ZNF365: variants seen among roughly 807,000 people sequenced by gnomAD.
ZNF365 encodes the protein zinc finger protein 365.
A neutral mutation model predicts 35.0 loss-of-function variants in ZNF365; 22 were observed. The ratio of observed to expected loss-of-function variants is 0.63; its 90% CI spans 0.45 to 0.90. The LOEUF (loss-of-function observed/expected upper bound fraction) is 0.90. Ranked by LOEUF, ZNF365 falls within the 40% of genes least tolerant of loss-of-function variation. ZNF365 has a pLI of 0.00. For missense variants in ZNF365, 448 were observed against 500.3 expected (o/e 0.90, Z 1.00); for synonymous variants, 188 against 196.2 (o/e 0.96, Z 0.35).
At chr10:62,461,264 T>C (rs748738035) in intron 4 of ZNF365, among the ~76,000 whole-genome samples, 7 of 152,202 alleles carry the variant, frequency 4.6e-5, no homozygotes, top group Non-Finnish European at 1.0e-4. Flanking sequence ...CTATCACACG[T>C]GGGCCAAGAG....
At chr10:62,415,170 T>A (rs2132442732) in intron 3 of ZNF365, among the ~76,000 whole-genome samples, 2 of 152,308 alleles carry the variant, frequency 1.3e-5, no homozygotes, top group South Asian at 4.1e-4. Flanking sequence ...ATTGCATGTT[T>A]TTTTTCCCTC....
chr10:62,421,691 C>G (rs188623273), intron 3 of ZNF365, among the ~76,000 whole-genome samples: 5 of 152,260 alleles, frequency 3.3e-5, no homozygotes, highest in African/African-American at 9.6e-5. Context: ...AAATAGTAAA[C>G]AATAATTGAT....
At chr10:62,396,349 A>G (rs1057004414) in intron 3 of ZNF365, among the ~76,000 whole-genome samples, 2 of 152,198 alleles carry the variant, frequency 1.3e-5, no homozygotes, top group African/African-American at 4.8e-5. Flanking sequence ...CTGGTAAAGC[A>G]CCGAGGCTTC....
chr10:62,479,826 C>T, intron 4 of ZNF365: 1 of 1,306,174 alleles, frequency 7.7e-7, no homozygotes, highest in East Asian at 2.3e-5. Flanking sequence ...TTGCTGGCAC[C>T]TAGATACCAC....
At chr10:62,479,000 G>A (rs940022149) in intron 4 of ZNF365, among the ~76,000 whole-genome samples, 5 of 152,194 alleles carry the variant, frequency 3.3e-5, no homozygotes, top group African/African-American at 4.8e-5. Context: ...TTTCTATTCT[G>A]TTTTGAAATA....
At position 62,412,448 on chromosome 10, in the gene ZNF365, A is replaced by T. The variant is rs1004489323; in HGVS notation, c.924+23872A>T. Among the ~76,000 whole-genome samples the T allele has an allele frequency of 5.3e-5, 8 of 152,146 alleles. 1 individual carries two copies. Among genetic ancestry groups the T allele is most frequent in the African/African-American group, 1.9e-4 (8 of 41,404 alleles). ...GAAGTTCTGGCCAGGGCAATCAGGC[A>T]AGAGAAAGAAATAAAGGGTATTCAA... On this transcript the variant is annotated intron_variant, in intron 3 of 4. Transcript: ENST00000395255.
At chr10:62,431,075 G>A (rs1272106950) in intron 3 of ZNF365, among the ~76,000 whole-genome samples, 5 of 152,186 alleles carry the variant, frequency 3.3e-5, no homozygotes, top group Non-Finnish European at 4.4e-5. Context: ...AAAGTCAAAT[G>A]CTTCACCATC....
At chr10:62,415,500 A>G (rs12241782) in intron 3 of ZNF365, among the ~76,000 whole-genome samples, 97,109 of 151,860 alleles carry the variant, frequency 0.64, 31,586 homozygotes, top group East Asian at 0.84. Flanking sequence ...CTCTCTCTCT[A>G]GAAGAATCTA....
intron 3 of ZNF365, among the ~76,000 whole-genome samples, chr10:62,458,818 T>G (rs190047452): frequency 5.9e-5 from 9 of 152,326 alleles, no homozygotes; most frequent in Admixed American, 1.3e-4. Flanking sequence ...CAAGAAAAGA[T>G]ATGTTGATTC....
At chr10:62,398,032 G>A (rs895691307) in intron 3 of ZNF365, among the ~76,000 whole-genome samples, 3 of 152,052 alleles carry the variant, frequency 2.0e-5, no homozygotes, top group East Asian at 3.9e-4. Flanking sequence ...TCTTTTATCC[G>A]TCACCCCACT....
At position 62,399,876 on chromosome 10, in the gene ZNF365, C is replaced by A; in HGVS notation, c.*87C>A. ...ACAGTAATGTCTTTCTGGAAACATT[C>A]CATAGTAAGACACATTGGAAAAGCC... On this transcript the variant is annotated 3_prime_UTR_variant, in exon 5 of 5. Transcript: ENST00000395254. 1 of 1,481,362 alleles carries A rather than the reference C, an allele frequency of 6.8e-7. No individual in the cohort carries two copies. Among genetic ancestry groups the A allele is most frequent in the Non-Finnish European group, 9.0e-7 (1 of 1,114,760 alleles). 91.8% of individuals were successfully genotyped at this position (1,481,362 alleles called of 1,614,324 possible).
intron 3 of ZNF365, among the ~76,000 whole-genome samples, chr10:62,391,932 T>C (rs1186354289): frequency 6.6e-6 from 1 of 152,254 alleles, no homozygotes; most frequent in South Asian, 2.1e-4. Flanking sequence ...AACTTTTTCA[T>C]TATGGCCATT....
In ZNF365 at chr10:62,400,385, G is replaced by C. The variant is rs749539107; in HGVS notation, c.*596G>C. On this transcript the variant is annotated 3_prime_UTR_variant, in exon 5 of 5. Transcript: ENST00000395254. ...TCAGTCAGACTTCAGTTCTCATTCCGACAGGGTGTCTTTCAGTTCGTTTGT... is the reference window on the plus strand; with the variant it reads ...TCAGTCAGACTTCAGTTCTCATTCCCACAGGGTGTCTTTCAGTTCGTTTGT... The C allele has an allele frequency of 1.0e-6, 1 of 986,156 alleles. No individual in the cohort carries two copies. Among genetic ancestry groups the C allele is most frequent in the South Asian group, 4.7e-5 (1 of 21,296 alleles). 61.1% of individuals were successfully genotyped at this position (986,156 alleles called of 1,614,324 possible).
In ZNF365 at chr10:62,388,547, G is replaced by A. The variant is rs1839564156; in HGVS notation, c.895G>A (p.Gly299Ser). 6.2e-7 allele frequency: 1 copy of A among 1,614,074 alleles called. No individual in the cohort carries two copies. Among genetic ancestry groups the A allele is most frequent in the Non-Finnish European group, 8.5e-7 (1 of 1,180,028 alleles). ...LEYYQSQQAS[G>S]FVRDLSGHVL... is the part of the protein sequence containing the mutation. ...GTACTATCAGAGCCAGCAGGCCTCTGGCTTTGTCCGTGATCTCAGCGGGCA... is the reference window on the plus strand; with the variant it reads ...GTACTATCAGAGCCAGCAGGCCTCTAGCTTTGTCCGTGATCTCAGCGGGCA... Residue 299 changes from glycine (G) to serine (S), a missense_variant, in exon 3 of 5, where the codon GGC (glycine) becomes AGC (serine). Transcript: ENST00000395254.
At chr10:62,392,718 C>T (rs1411773767) in intron 3 of ZNF365, among the ~76,000 whole-genome samples, 2 of 152,128 alleles carry the variant, frequency 1.3e-5, no homozygotes, top group Non-Finnish European at 2.9e-5. Context: ...GCAACCTCCA[C>T]CTCTCGGGTT....
At chr10:62,451,266 C>T (rs1324695426) in intron 3 of ZNF365, among the ~76,000 whole-genome samples, 6 of 152,118 alleles carry the variant, frequency 3.9e-5, no homozygotes, top group Non-Finnish European at 8.8e-5. Context: ...GCTCCATTTT[C>T]CATCCTTCTT....
downstream of ZNF365, among the ~76,000 whole-genome samples, chr10:62,405,958 A>G (rs1839898252): frequency 6.6e-6 from 1 of 152,158 alleles, no homozygotes; most frequent in Admixed American, 6.5e-5. Context: ...ATTATAGCTA[A>G]CACTTCTCAT....
At chr10:62,456,751 C>G (rs1308329694) in intron 3 of ZNF365, among the ~76,000 whole-genome samples, 1 of 152,218 alleles carries the variant, frequency 6.6e-6, no homozygotes, top group Non-Finnish European at 1.5e-5. Flanking sequence ...AGATTCTAGA[C>G]TAGCAGGAAA....
At chr10:62,389,150 CCT>C (rs1839579213) in intron 3 of ZNF365, among the ~76,000 whole-genome samples, 1 of 151,922 alleles carries the variant, frequency 6.6e-6, no homozygotes, top group Non-Finnish European at 1.5e-5. Flanking sequence ...TTAAGAAACG[CCT>C]AAAGCCCAGA....
Sources: allele counts gnomAD v4.1 joint callset (sites outside exome capture counted in the v4.1 genomes callset), GRCh38; gene constraint gnomAD v4.1.1; transcripts MANE v1.5; gene names NCBI Gene and HGNC (gene_info 2026-07-23, HGNC 2026-07-21).